The following SHISA9 variants were observed in gnomAD, a reference collection of about 807,000 sequenced individuals.
The protein encoded by SHISA9 is shisa family member 9.
A neutral mutation model predicts 38.0 loss-of-function variants in SHISA9; 13 were observed. That is an observed-to-expected ratio of 0.34 (90% CI 0.22 to 0.54). The LOEUF is 0.54. Among genes scored for constraint, SHISA9 ranks in the 20% least tolerant of loss-of-function variants. SHISA9 has a pLI of 0.91. For synonymous variants in SHISA9, 275 were observed against 242.0 expected (o/e 1.14, Z -1.27); for missense variants, 538 against 575.8 (o/e 0.93, Z 0.67).
the SHISA9 span, among the ~76,000 whole-genome samples, chr16:13,399,730 C>G: frequency 1.3e-5 from 2 of 152,186 alleles, no homozygotes; most frequent in Admixed American, 6.5e-5. Context: ...AGAAGGGTGC[C>G]TGCGTGTATC....
the SHISA9 span, among the ~76,000 whole-genome samples, chr16:13,552,761 A>C: frequency 3.3e-5 from 5 of 151,978 alleles, no homozygotes; most frequent in Non-Finnish European, 5.9e-5. Flanking sequence ...TTAAGTGAGA[A>C]TAGCCAGACC....
At chr16:13,437,873 T>C in the SHISA9 span, among the ~76,000 whole-genome samples, 2 of 151,370 alleles carry the variant, frequency 1.3e-5, no homozygotes, top group African/African-American at 2.4e-5. Flanking sequence ...TCTTTTTTTT[T>C]TTTTTTTTTG....
chr16:13,512,379 C>T, the SHISA9 span, among the ~76,000 whole-genome samples: 1 of 152,096 alleles, frequency 6.6e-6, no homozygotes, highest in African/African-American at 2.4e-5. Flanking sequence ...AAATGGAAAA[C>T]TATTCCACCC....
At chr16:13,484,081 C>T in the SHISA9 span, among the ~76,000 whole-genome samples, 2 of 152,200 alleles carry the variant, frequency 1.3e-5, no homozygotes, top group Non-Finnish European at 1.5e-5. Flanking sequence ...CAATCAGTGG[C>T]ATCTGATGCT....
At chr16:13,079,002 G>A (rs1169153431) in intron 2 of SHISA9, among the ~76,000 whole-genome samples, 1 of 152,210 alleles carries the variant, frequency 6.6e-6, no homozygotes, top group Non-Finnish European at 1.5e-5. Context: ...GACAGCCTGG[G>A]TTTGAATCTT....
At chr16:13,025,894 C>G (rs1321781204) in intron 2 of SHISA9, among the ~76,000 whole-genome samples, 1 of 152,122 alleles carries the variant, frequency 6.6e-6, no homozygotes, top group Non-Finnish European at 1.5e-5. Context: ...CAACCTCCAC[C>G]TCCCAGGTTC....
chr16:12,992,399 G>T (rs1180276624), intron 2 of SHISA9, among the ~76,000 whole-genome samples: 2 of 151,536 alleles, frequency 1.3e-5, no homozygotes, highest in Admixed American at 6.6e-5. Flanking sequence ...GGGTGTGGTG[G>T]CACATTCTTG....
the SHISA9 span, among the ~76,000 whole-genome samples, chr16:13,310,472 T>C: frequency 2.0e-5 from 3 of 152,166 alleles, no homozygotes; most frequent in Non-Finnish European, 4.4e-5. Flanking sequence ...ACAGAATTGC[T>C]ATCTTGATTT....
At chr16:13,531,811 A>G in the SHISA9 span, among the ~76,000 whole-genome samples, 10 of 152,168 alleles carry the variant, frequency 6.6e-5, no homozygotes, top group African/African-American at 2.4e-4. Context: ...TAAAATTATT[A>G]TAAGGATTTA....
At chr16:12,906,782 C>G (rs1361396734) in intron 1 of SHISA9, among the ~76,000 whole-genome samples, 1 of 152,080 alleles carries the variant, frequency 6.6e-6, no homozygotes, top group Non-Finnish European at 1.5e-5. Context: ...ACTGGAGAAT[C>G]CTGCGTTGTA....
chr16:13,166,723 C>T (rs1302286812), intron 2 of SHISA9, among the ~76,000 whole-genome samples: 1 of 152,174 alleles, frequency 6.6e-6, no homozygotes, highest in Non-Finnish European at 1.5e-5. Context: ...AAGGAAGAAT[C>T]ATGGGATGCG....
At chr16:13,117,132 C>T (rs949092561) in intron 2 of SHISA9, among the ~76,000 whole-genome samples, 18 of 152,162 alleles carry the variant, frequency 1.2e-4, no homozygotes, top group African/African-American at 3.4e-4. Context: ...GCCACCACCA[C>T]GCCCGGCTAA....
chr16:12,917,532 A>G (rs1308678045), intron 2 of SHISA9, among the ~76,000 whole-genome samples: 1 of 152,202 alleles, frequency 6.6e-6, no homozygotes, highest in African/African-American at 2.4e-5. Flanking sequence ...TATACTCCCA[A>G]AGATTTTCTT....
intron 2 of SHISA9, among the ~76,000 whole-genome samples, chr16:13,044,592 T>C (rs546838618): frequency 3.9e-5 from 6 of 152,312 alleles, no homozygotes; most frequent in African/African-American, 1.4e-4. Flanking sequence ...GAAGGTTTGT[T>C]TGAGGAAGCA....
At chr16:13,104,373 A>G (rs1177182048) in intron 2 of SHISA9, among the ~76,000 whole-genome samples, 4 of 152,226 alleles carry the variant, frequency 2.6e-5, no homozygotes, top group Non-Finnish European at 5.9e-5. Flanking sequence ...AAGTGAAAGC[A>G]TATGTTCACA....
intron 2 of SHISA9, among the ~76,000 whole-genome samples, chr16:13,152,408 G>C (rs538051932): frequency 5.3e-5 from 8 of 152,240 alleles, no homozygotes; most frequent in African/African-American, 1.9e-4. Flanking sequence ...ACTAACTTTG[G>C]ATGACTTAAA....
At chr16:13,142,161 G>A (rs2141997136) in intron 2 of SHISA9, among the ~76,000 whole-genome samples, 1 of 152,288 alleles carries the variant, frequency 6.6e-6, no homozygotes, top group South Asian at 2.1e-4. Flanking sequence ...TATGACTCTA[G>A]GTCTCTCTTG....
At chr16:12,979,115 C>G (rs1638978234) in intron 2 of SHISA9, among the ~76,000 whole-genome samples, 1 of 152,214 alleles carries the variant, frequency 6.6e-6, no homozygotes, top group South Asian at 2.1e-4. Flanking sequence ...AGACACCACC[C>G]TCTCCTTGAT....
At chr16:12,971,026 G>A (rs575906163) in intron 2 of SHISA9, among the ~76,000 whole-genome samples, 1 of 152,138 alleles carries the variant, frequency 6.6e-6, no homozygotes, top group South Asian at 2.1e-4. Context: ...CACTTTGGTA[G>A]TGCTGAGGGA....
Sources: allele counts gnomAD v4.1 joint callset (sites outside exome capture counted in the v4.1 genomes callset), GRCh38; gene constraint gnomAD v4.1.1; transcripts MANE v1.5; gene names NCBI Gene and HGNC (gene_info 2026-07-23, HGNC 2026-07-21).